Variants in NTM observed in about 807,000 individuals in gnomAD.
NTM encodes the protein IgLON family member 2.
A neutral mutation model predicts 42.1 loss-of-function variants in NTM; 13 were observed. The observed-to-expected ratio is 0.31, with a 90% CI of 0.20 to 0.49. NTM has a LOEUF of 0.49. NTM is among the 20% of genes least tolerant of loss of function. The pLI, the probability that NTM is intolerant of heterozygous loss-of-function variation, is 0.99. For synonymous variants in NTM, 187 were observed against 179.2 expected, an observed-to-expected ratio of 1.04 and a Z score of -0.35; for missense variants, 373 against 452.8, an observed-to-expected ratio of 0.82 and a Z score of 1.60.
At chr11:132,184,025 T>G (rs1220646687) in intron 3 of NTM, among the ~76,000 whole-genome samples, 1 of 152,102 alleles carries the variant, frequency 6.6e-6, no homozygotes, top group Non-Finnish European at 1.5e-5. Flanking sequence ...TTAAAGCTTC[T>G]CTATGGTGCC....
At chr11:131,680,653 G>A (rs917875609) in intron 1 of NTM, among the ~76,000 whole-genome samples, 124 of 109,072 alleles carry the variant, frequency 1.1e-3, no homozygotes, top group African/African-American at 3.4e-3. Context: ...GTAGGCATGT[G>A]TGCCTCTGTG....
intron 1 of NTM, among the ~76,000 whole-genome samples, chr11:131,513,111 C>G (rs2048463237): frequency 6.6e-6 from 1 of 152,228 alleles, no homozygotes; most frequent in Non-Finnish European, 1.5e-5. Context: ...CCATGGCTCC[C>G]CGTCCCTGAG....
At chr11:132,323,420 A>G (rs1257690951) in intron 7 of NTM, among the ~76,000 whole-genome samples, 2 of 151,810 alleles carry the variant, frequency 1.3e-5, no homozygotes, top group East Asian at 3.9e-4. Context: ...AAACTAGAAA[A>G]TCTAGAAGAA....
intron 2 of NTM, among the ~76,000 whole-genome samples, chr11:132,021,649 TTTTC>T (rs1373273962): frequency 6.6e-6 from 1 of 152,186 alleles, no homozygotes; most frequent in Non-Finnish European, 1.5e-5. Flanking sequence ...TGTTTTTAAA[TTTTC>T]TTTAATTTTA....
chr11:132,276,729 C>T (rs1269682888), intron 4 of NTM, among the ~76,000 whole-genome samples: 1 of 151,994 alleles, frequency 6.6e-6, no homozygotes, highest in East Asian at 1.9e-4. Context: ...GAAGAGTGTG[C>T]TCTGTGTGAC....
intron 2 of NTM, among the ~76,000 whole-genome samples, chr11:131,973,633 A>C (rs370558309): frequency 6.6e-6 from 1 of 152,212 alleles, no homozygotes; most frequent in African/African-American, 2.4e-5. Context: ...CTTGGCCAAC[A>C]TGGGGAAACC....
At chr11:131,678,551 A>G (rs2071840564) in intron 1 of NTM, among the ~76,000 whole-genome samples, 1 of 152,180 alleles carries the variant, frequency 6.6e-6, no homozygotes, top group Admixed American at 6.5e-5. Context: ...GAGCTGTGAG[A>G]TGCAGGAAAG....
intron 2 of NTM, among the ~76,000 whole-genome samples, chr11:132,067,085 G>A (rs371174301): frequency 3.3e-5 from 5 of 152,242 alleles, no homozygotes; most frequent in African/African-American, 9.6e-5. Flanking sequence ...CTCTTAAGTA[G>A]CTGGAACCAT....
intron 2 of NTM, among the ~76,000 whole-genome samples, chr11:131,988,468 T>C (rs765957660): frequency 8.5e-5 from 13 of 152,150 alleles, no homozygotes; most frequent in Admixed American, 2.6e-4. Context: ...CATCATGATA[T>C]AGGATTTGTA....
At chr11:131,846,652 T>A (rs1239958117) in intron 1 of NTM, among the ~76,000 whole-genome samples, 1 of 152,140 alleles carries the variant, frequency 6.6e-6, no homozygotes, top group African/African-American at 2.4e-5. Flanking sequence ...ATTGTATATG[T>A]TATTACTTGC....
intron 2 of NTM, among the ~76,000 whole-genome samples, chr11:131,986,469 T>G (rs994746614): frequency 3.3e-5 from 5 of 152,248 alleles, no homozygotes; most frequent in African/African-American, 4.8e-5. Context: ...CACGTTTGCT[T>G]CTTCTACCTG....
intron 1 of NTM, among the ~76,000 whole-genome samples, chr11:131,468,034 A>C (rs1002380157): frequency 6.6e-6 from 1 of 152,214 alleles, no homozygotes; most frequent in Non-Finnish European, 1.5e-5. Context: ...GCTCCCGAAG[A>C]GTGCAGTGGG....
At chr11:131,727,680 A>G (rs1023832157) in intron 1 of NTM, among the ~76,000 whole-genome samples, 5 of 152,212 alleles carry the variant, frequency 3.3e-5, no homozygotes, top group Non-Finnish European at 7.4e-5. Context: ...ATATGGAACC[A>G]GGAAAGTCAG....
chr11:131,596,120 C>T (rs1023272409), intron 1 of NTM, among the ~76,000 whole-genome samples: 30 of 152,300 alleles, frequency 2.0e-4, no homozygotes, highest in African/African-American at 5.5e-4. Flanking sequence ...ACCTACCTCA[C>T]GGTATTTAGC....
rs1049558677 is a variant in NTM at position 132,113,038 on chromosome 11, G to A, written c.168-33244G>A. Among the ~76,000 whole-genome samples, 111 of 152,262 alleles carry A rather than the reference G, an allele frequency of 7.3e-4. 1 individual carries two copies. The highest frequency in any genetic ancestry group is 2.6e-3 in the African/African-American group (108 of 41,548). ...AATCTACCCCAGTGAGATTCTGAAA[G>A]CAGCTCCTCCCAGTCATCCTCTCCT... On this transcript the variant is annotated intron_variant, in intron 2 of 8. Coordinates refer to ENST00000683400, the MANE Select transcript of NTM (RefSeq NM_001352005.2).
chr11:132,239,444 T>C (rs2089757441), intron 4 of NTM, among the ~76,000 whole-genome samples: 4 of 152,324 alleles, frequency 2.6e-5, no homozygotes, highest in African/African-American at 9.6e-5. Context: ...ATTAGAAAAT[T>C]CCAGGGTTTC....
intron 2 of NTM, among the ~76,000 whole-genome samples, chr11:132,063,663 A>T (rs764684869): frequency 4.6e-5 from 7 of 152,154 alleles, no homozygotes; most frequent in Non-Finnish European, 8.8e-5. Flanking sequence ...TTTAATACTG[A>T]TGTGGAAGGA....
At chr11:131,878,597 ATATATATATATAT>A (rs1565666997) in intron 1 of NTM, among the ~76,000 whole-genome samples, 138 of 9,712 alleles carry the variant, frequency 0.014, 27 homozygotes, top group East Asian at 0.033. Context: ...AAAAAAAAAT[ATATATATATATAT>A]ATATATATAT....
intron 1 of NTM, among the ~76,000 whole-genome samples, chr11:131,478,142 G>A (rs999177476): frequency 4.5e-4 from 69 of 152,192 alleles, no homozygotes; most frequent in African/African-American, 1.4e-3. Flanking sequence ...TTCATGGCCC[G>A]GTCAGTATCT....
Sources: allele counts gnomAD v4.1 joint callset (sites outside exome capture counted in the v4.1 genomes callset), GRCh38; gene constraint gnomAD v4.1.1; transcripts MANE v1.5; gene names NCBI Gene and HGNC (gene_info 2026-07-23, HGNC 2026-07-21).